SENP7: variants seen among roughly 807,000 people sequenced by gnomAD.
SENP7 encodes the protein SUMO specific peptidase 7.
A neutral mutation model predicts 141.2 loss-of-function variants in SENP7; 64 were observed. The ratio of observed to expected loss-of-function variants is 0.45; its 90% CI spans 0.37 to 0.56. The LOEUF (loss-of-function observed/expected upper bound fraction) is 0.56, where lower values mean the gene tolerates loss of function less well. Ranked by LOEUF, SENP7 falls within the 20% of genes least tolerant of loss-of-function variation. SENP7 has a pLI of 0.00. For missense variants in SENP7, 1,025 were observed against 1,212.2 expected, an observed-to-expected ratio of 0.85 and a Z score of 2.29; for synonymous variants, 382 against 426.4, an observed-to-expected ratio of 0.90 and a Z score of 1.28.
intron 5 of SENP7, among the ~76,000 whole-genome samples, chr3:101,401,532 AAAAAAAAGG>A (rs1051337658): frequency 1.0e-4 from 15 of 148,220 alleles, no homozygotes; most frequent in South Asian, 8.5e-4. Flanking sequence ...CCATCTCAAA[AAAAAAAAGG>A]AAAAAAAAGG....
At chr3:101,410,012 G>GA (rs1036576361) in intron 5 of SENP7, among the ~76,000 whole-genome samples, 5 of 152,010 alleles carry the variant, frequency 3.3e-5, no homozygotes, top group African/African-American at 1.2e-4. Flanking sequence ...CACAGAGTGG[G>GA]AAAAAATCTT....
chr3:101,470,177 A>C (rs571139673), intron 3 of SENP7, among the ~76,000 whole-genome samples: 36 of 152,306 alleles, frequency 2.4e-4, no homozygotes, highest in Admixed American at 1.5e-3. Flanking sequence ...CTACAGAAGG[A>C]AGAGCAAACA....
At chr3:101,448,725 T>C (rs923850968) in intron 4 of SENP7, among the ~76,000 whole-genome samples, 13 of 152,124 alleles carry the variant, frequency 8.5e-5, no homozygotes, top group Non-Finnish European at 1.6e-4. Context: ...ACCCCATCTG[T>C]ACGTCACCAT....
intron 3 of SENP7, among the ~76,000 whole-genome samples, chr3:101,491,114 C>T (rs2064949043): frequency 6.8e-6 from 1 of 147,094 alleles, no homozygotes; most frequent in African/African-American, 2.5e-5. Context: ...ATTTTATTTG[C>T]TTCATTTTAT....
At position 101,341,633 on chromosome 3, in the gene SENP7, T is replaced by C; in HGVS notation, c.2240+13A>G. 6.4e-7 allele frequency: 1 copy of C among 1,561,584 alleles called. No homozygotes were observed. Among genetic ancestry groups the C allele is most frequent in the Non-Finnish European group, 8.7e-7 (1 of 1,143,706 alleles). ...ATGCCCATCTACTACAAACATGCTA[T>C]GACAGTACATACTTCTGAACAAGTC... On this transcript the variant is annotated intron_variant, in intron 15 of 23. Coordinates refer to ENST00000394095, the MANE Select transcript of SENP7 (RefSeq NM_020654.5).
intron 5 of SENP7, among the ~76,000 whole-genome samples, chr3:101,410,154 T>C (rs9836143): frequency 0.19 from 28,203 of 151,990 alleles, 3,116 homozygotes; most frequent in Admixed American, 0.35. Context: ...TCAAAGAAGA[T>C]ATACAAATGG....
chr3:101,389,786 C>A (rs756037866), intron 6 of SENP7, among the ~76,000 whole-genome samples: 2 of 151,946 alleles, frequency 1.3e-5, no homozygotes, highest in African/African-American at 2.4e-5. Flanking sequence ...AGAAAACCAC[C>A]AAACTGAAGT....
chr3:101,449,658 C>G (rs1286385999), intron 4 of SENP7, among the ~76,000 whole-genome samples: 1 of 152,134 alleles, frequency 6.6e-6, no homozygotes, highest in African/African-American at 2.4e-5. Context: ...CCTTTACAGA[C>G]AAGCAAATGC....
At chr3:101,396,091 G>A (rs960977777) in intron 6 of SENP7, among the ~76,000 whole-genome samples, 1 of 152,076 alleles carries the variant, frequency 6.6e-6, no homozygotes, top group Non-Finnish European at 1.5e-5. Context: ...CAGATGTCTG[G>A]CTCCAAAGTT....
chr3:101,460,806 T>C (rs904671953), intron 3 of SENP7, among the ~76,000 whole-genome samples: 3 of 152,074 alleles, frequency 2.0e-5, no homozygotes, highest in Non-Finnish European at 4.4e-5. Context: ...GATAAAAGTA[T>C]AGTATCCAGG....
chr3:101,485,262 T>C (rs192803665), intron 3 of SENP7, among the ~76,000 whole-genome samples: 366 of 152,188 alleles, frequency 2.4e-3, no homozygotes, highest in Non-Finnish European at 4.0e-3. Context: ...CCATAGCTGA[T>C]GCTTTCTGGA....
chr3:101,469,195 G>T (rs949948042), intron 3 of SENP7, among the ~76,000 whole-genome samples: 2 of 152,070 alleles, frequency 1.3e-5, no homozygotes, highest in African/African-American at 4.8e-5. Flanking sequence ...CAATAAAGGA[G>T]CACCCAGATT....
intron 13 of SENP7, 150 bp downstream of exon 13, chr3:101,347,721 CA>C (rs11389959): frequency 0.098 from 26,742 of 272,960 alleles, 2 homozygotes; most frequent in Middle Eastern, 0.15. Context: ...GACTCCATCT[CA>C]AAAAAAAAAA....
At chr3:101,346,649 C>CT (rs1269141583) in intron 13 of SENP7, among the ~76,000 whole-genome samples, 1 of 151,962 alleles carries the variant, frequency 6.6e-6, no homozygotes, top group Non-Finnish European at 1.5e-5. Context: ...AGTGAAGTAA[C>CT]TCAGGAATGG....
chr3:101,348,457 A>C (rs2059530581), intron 12 of SENP7, among the ~76,000 whole-genome samples: 1 of 152,168 alleles, frequency 6.6e-6, no homozygotes, highest in Non-Finnish European at 1.5e-5. Context: ...TCAGTGCAGA[A>C]AACTAAGCAC....
At position 101,340,172 on chromosome 3, in the gene SENP7, T is replaced by C. The variant is rs1453396127; in HGVS notation, c.2280A>G (p.Leu760=). 2 of 1,602,052 alleles carry C rather than the reference T, an allele frequency of 1.2e-6. No individual in the cohort carries two copies. The highest frequency in any genetic ancestry group is 1.1e-5 in the South Asian group (1 of 88,346). Residue 760 remains leucine (L), a synonymous_variant, in exon 16 of 24, where the codon TTA becomes TTG. Coordinates refer to ENST00000394095, the MANE Select transcript of SENP7 (RefSeq NM_020654.5). ...ACTCCAGATCTTCATTAGTTACTCC[T>C]AATCCCCCCTTAGTAGGTGGTGGAG... ...VYPPPPTKGG[L]GVTNEDLECL...
At chr3:101,434,711 T>C (rs543576401) in intron 4 of SENP7, among the ~76,000 whole-genome samples, 3 of 152,140 alleles carry the variant, frequency 2.0e-5, no homozygotes, top group South Asian at 4.1e-4. Context: ...TCTAACAAGA[T>C]TGAACCACGA....
At chr3:101,414,105 AG>A (rs1487460142) in intron 5 of SENP7, 19 of 358,234 alleles carry the variant, frequency 5.3e-5, no homozygotes, top group Non-Finnish European at 9.5e-5. Flanking sequence ...CGAAGTTATT[AG>A]GGCTTGAACT....
intron 1 of SENP7, among the ~76,000 whole-genome samples, chr3:101,505,784 C>T (rs1011406153): frequency 1.4e-4 from 21 of 152,000 alleles, no homozygotes; most frequent in African/African-American, 4.1e-4. Context: ...CCTTTTTAAT[C>T]GTTCAGATTA....
Sources: gnomAD v4.1 joint callset for allele counts (sites outside exome capture counted in the v4.1 genomes callset) on GRCh38, gnomAD v4.1.1 for gene constraint, MANE v1.5 for transcripts, NCBI Gene and HGNC (gene_info 2026-07-23, HGNC 2026-07-21) for gene names.